SNX29: variants seen among roughly 807,000 people sequenced by gnomAD.
SNX29 encodes sorting nexin 29.
Under a neutral mutation model 102.1 loss-of-function variants are expected in SNX29, and 78 were observed. The observed-to-expected ratio is 0.76, with a 90% confidence interval of 0.64 to 0.92. The LOEUF (loss-of-function observed/expected upper bound fraction) is 0.92. Ranked by LOEUF, SNX29 falls within the 40% of genes least tolerant of loss-of-function variation. The pLI is 0.00. For missense variants in SNX29, 1,280 were observed against 1,061.7 expected, an observed-to-expected ratio of 1.21 and a Z score of -2.86; for synonymous variants, 580 against 414.5, an observed-to-expected ratio of 1.40 and a Z score of -4.85.
intron 18 of SNX29, among the ~76,000 whole-genome samples, chr16:12,444,979 G>A (rs1463179228): frequency 6.6e-6 from 1 of 151,822 alleles, no homozygotes. Context: ...AGCCTCCCAA[G>A]TAGCTGGACT....
chr16:12,165,023 T>A (rs1369861709), intron 13 of SNX29, among the ~76,000 whole-genome samples: 1 of 152,202 alleles, frequency 6.6e-6, no homozygotes, highest in East Asian at 1.9e-4. Flanking sequence ...CTCCTGTGGC[T>A]GTTCTTGAAT....
chr16:12,556,890 TCTCCTC>T (rs2078390708), intron 20 of SNX29, among the ~76,000 whole-genome samples: 1 of 148,590 alleles, frequency 6.7e-6, no homozygotes, highest in South Asian at 2.1e-4. Flanking sequence ...TCTCCGTCTG[TCTCCTC>T]ACCTTGAGTG....
At chr16:12,197,703 A>C (rs756356229) in intron 13 of SNX29, among the ~76,000 whole-genome samples, 5 of 152,240 alleles carry the variant, frequency 3.3e-5, no homozygotes, top group Non-Finnish European at 5.9e-5. Context: ...GAGAAAGTGC[A>C]GACACCTGTG....
chr16:12,181,082 G>A (rs1010885420), intron 13 of SNX29, among the ~76,000 whole-genome samples: 1 of 152,168 alleles, frequency 6.6e-6, no homozygotes, highest in African/African-American at 2.4e-5. Flanking sequence ...GGTGGGCCTG[G>A]GTTACCGTGG....
chr16:12,573,800 G>A lies in SNX29; in HGVS notation c.*5171G>A, dbSNP rs1031083728. 2.7e-5 allele frequency: 6 copies of A among 220,752 alleles called. No homozygotes were observed. Among genetic ancestry groups the A allele is most frequent in the Admixed American group, 1.7e-4 (3 of 17,404 alleles). 13.7% of individuals were successfully genotyped at this position (220,752 alleles called of 1,614,324 possible). On this transcript the variant is annotated 3_prime_UTR_variant, in exon 21 of 21. Coordinates refer to ENST00000566228, the MANE Select transcript of SNX29 (RefSeq NM_032167.5). ...GACCATTAATTTCCCGGAGTGAAGG[G>A]GATGGGGGTAGAGCTAATTGGAATT...
chr16:12,561,858 G>A (rs768637454), intron 20 of SNX29, among the ~76,000 whole-genome samples: 5 of 152,134 alleles, frequency 3.3e-5, no homozygotes, highest in South Asian at 2.1e-4. Context: ...GCAGTGCCCT[G>A]GGGACTTATG....
chr16:12,102,091 C>T (rs1427484091), intron 11 of SNX29, among the ~76,000 whole-genome samples: 1 of 152,156 alleles, frequency 6.6e-6, no homozygotes. Flanking sequence ...GCAAAGAACA[C>T]GAACTCATCC....
At chr16:12,262,378 T>C (rs938342655) in intron 14 of SNX29, among the ~76,000 whole-genome samples, 6 of 152,046 alleles carry the variant, frequency 3.9e-5, no homozygotes, top group Non-Finnish European at 7.4e-5. Flanking sequence ...CTGCATCCCC[T>C]TTGACTCAGC....
rs2084043304 is a variant in SNX29, at chr16:12,403,474, G to A, written c.1982G>A (p.Trp661Ter). 1 of 1,609,022 alleles carries A rather than the reference G, an allele frequency of 6.2e-7. No individual in the cohort carries two copies. The highest frequency in any genetic ancestry group is 8.5e-7 in the Non-Finnish European group (1 of 1,177,770). Residue 661 changes from tryptophan to a stop codon, truncating the protein, a stop_gained, in exon 18 of 21, where the codon TGG becomes TAG. Transcript: ENST00000566228. LOFTEE classifies it high-confidence loss of function. Reference protein sequence around the residue: ...EISNRALINVWIPSVFLRGKA... With the variant: ...EISNRALINV ...TCAAACCGGGCGCTGATCAACGTCTGGATCCCCTCAGTGTTTCTCCGGGGC... is the reference window on the plus strand; with the variant it reads ...TCAAACCGGGCGCTGATCAACGTCTAGATCCCCTCAGTGTTTCTCCGGGGC...
chr16:12,290,872 T>C (rs1365191517), intron 15 of SNX29, among the ~76,000 whole-genome samples: 1 of 152,188 alleles, frequency 6.6e-6, no homozygotes, highest in East Asian at 1.9e-4. Context: ...CCATGATGCA[T>C]AGCTAGAAAA....
intron 18 of SNX29, among the ~76,000 whole-genome samples, chr16:12,453,512 G>T (rs541493740): frequency 6.6e-6 from 1 of 152,216 alleles, no homozygotes; most frequent in East Asian, 1.9e-4. Context: ...AAACAAAGTG[G>T]CTGTCATGGA....
intron 20 of SNX29, among the ~76,000 whole-genome samples, chr16:12,542,540 C>T (rs1488388290): frequency 1.3e-5 from 2 of 152,200 alleles, no homozygotes; most frequent in African/African-American, 2.4e-5. Context: ...CCACGTTGGC[C>T]AGGCTGATCT....
intron 20 of SNX29, among the ~76,000 whole-genome samples, chr16:12,550,442 G>C (rs577610699): frequency 6.6e-6 from 1 of 151,852 alleles, no homozygotes; most frequent in Non-Finnish European, 1.5e-5. Context: ...GGCTGAGGCA[G>C]GAGAATCACT....
chr16:12,245,523 G>A (rs891068082), intron 14 of SNX29, among the ~76,000 whole-genome samples: 7 of 151,718 alleles, frequency 4.6e-5, no homozygotes, highest in Non-Finnish European at 1.0e-4. Context: ...ACTTCTTCTA[G>A]TTATATTTAT....
chr16:12,185,354 G>C (rs1302123887), intron 13 of SNX29, among the ~76,000 whole-genome samples: 1 of 152,170 alleles, frequency 6.6e-6, no homozygotes, highest in East Asian at 1.9e-4. Context: ...GGCCCCTTGT[G>C]GTCGGACACT....
At chr16:12,537,180 C>T (rs1406594565) in intron 20 of SNX29, among the ~76,000 whole-genome samples, 1 of 152,140 alleles carries the variant, frequency 6.6e-6, no homozygotes, top group Non-Finnish European at 1.5e-5. Context: ...AAGATGCCAT[C>T]CCCCTGGCCA....
intron 1 of SNX29, among the ~76,000 whole-genome samples, chr16:11,997,940 C>T (rs1197255956): frequency 6.6e-6 from 1 of 152,176 alleles, no homozygotes; most frequent in African/African-American, 2.4e-5. Context: ...TCAGCTTTCC[C>T]ATCTGTGTTT....
rs376099141 is a variant in SNX29, at chr16:12,573,905, C to G, written c.*5276C>G. 1 of 204,380 alleles carries G rather than the reference C, an allele frequency of 4.9e-6. No individual in the cohort carries two copies. Among genetic ancestry groups the G allele is most frequent in the African/African-American group, 2.3e-5 (1 of 43,694 alleles). 12.7% of individuals were successfully genotyped at this position (204,380 alleles called of 1,614,324 possible). ...TTAGCCGTCAGGTAGAACGCTTACT[C>G]ACCTGACACCGACTTCTTAGAGAAG... On this transcript the variant is annotated 3_prime_UTR_variant, in exon 21 of 21. Coordinates refer to ENST00000566228, the MANE Select transcript of SNX29 (RefSeq NM_032167.5).
chr16:12,548,309 C>T (rs554531847), intron 20 of SNX29, among the ~76,000 whole-genome samples: 1 of 152,176 alleles, frequency 6.6e-6, no homozygotes, highest in African/African-American at 2.4e-5. Flanking sequence ...CCCTGGAGCC[C>T]TACTCTCCTG....
Sources: allele counts gnomAD v4.1 joint callset (sites outside exome capture counted in the v4.1 genomes callset), GRCh38; gene constraint gnomAD v4.1.1; transcripts MANE v1.5; gene names NCBI Gene and HGNC (gene_info 2026-07-23, HGNC 2026-07-21).